The following NRG3 variants were observed in gnomAD, a reference collection of about 807,000 sequenced individuals.
NRG3 encodes neuregulin 3.
Under a neutral mutation model 66.9 loss-of-function variants are expected in NRG3, and 31 were observed. That is an observed-to-expected ratio of 0.46 (90% CI 0.35 to 0.63). The LOEUF (loss-of-function observed/expected upper bound fraction) is 0.63. Among genes scored for constraint, NRG3 ranks in the 20% least tolerant of loss-of-function variants. The pLI is 0.00. For synonymous variants in NRG3, 393 were observed against 359.4 expected, an observed-to-expected ratio of 1.09 and a Z score of -1.06; for missense variants, 910 against 878.9, an observed-to-expected ratio of 1.04 and a Z score of -0.45.
chr10:82,147,394 G>T (rs549739854), intron 1 of NRG3, among the ~76,000 whole-genome samples: 1 of 152,240 alleles, frequency 6.6e-6, no homozygotes, highest in Non-Finnish European at 1.5e-5. Context: ...GAACCTAAAT[G>T]TCCATAGGTG....
intron 4 of NRG3, among the ~76,000 whole-genome samples, chr10:82,906,682 C>G (rs890095844): frequency 1.1e-4 from 16 of 152,126 alleles, no homozygotes; most frequent in African/African-American, 3.9e-4. Context: ...GACTAACATC[C>G]TAATATGCTT....
At chr10:81,930,697 G>A (rs1360595132) in intron 1 of NRG3, among the ~76,000 whole-genome samples, 1 of 152,160 alleles carries the variant, frequency 6.6e-6, no homozygotes, top group African/African-American at 2.4e-5. Context: ...TGACAGGTGG[G>A]TTTTATGGAG....
chr10:82,267,942 G>A (rs991553874), intron 1 of NRG3, among the ~76,000 whole-genome samples: 1 of 152,054 alleles, frequency 6.6e-6, no homozygotes, highest in Non-Finnish European at 1.5e-5. Flanking sequence ...CAGATTGGCT[G>A]TATGCCCTGA....
At chr10:81,890,013 C>T (rs1287793175) in intron 1 of NRG3, among the ~76,000 whole-genome samples, 1 of 152,224 alleles carries the variant, frequency 6.6e-6, no homozygotes, top group Non-Finnish European at 1.5e-5. Context: ...GCTGTTTCCT[C>T]CAATACACTG....
At chr10:81,908,386 G>A (rs1437290320) in intron 1 of NRG3, among the ~76,000 whole-genome samples, 3 of 152,116 alleles carry the variant, frequency 2.0e-5, no homozygotes, top group Admixed American at 1.3e-4. Context: ...GTAACAGGGT[G>A]GGGAATGTCT....
chr10:82,422,253 A>G (rs758074556), intron 2 of NRG3, among the ~76,000 whole-genome samples: 4 of 152,058 alleles, frequency 2.6e-5, no homozygotes. Flanking sequence ...GGGGAAAGGG[A>G]TAAGAAAATG....
At chr10:82,246,296 A>G (rs1455308511) in intron 1 of NRG3, among the ~76,000 whole-genome samples, 1 of 152,152 alleles carries the variant, frequency 6.6e-6, no homozygotes, top group Non-Finnish European at 1.5e-5. Context: ...TTGCTTTCAC[A>G]TACTGCAAAA....
At position 82,668,705 on chromosome 10, in the gene NRG3, G is replaced by A. The variant is rs146470080; in HGVS notation, c.954-69872G>A. On this transcript the variant is annotated intron_variant, in intron 2 of 8. Coordinates refer to ENST00000372141, the MANE Select transcript of NRG3 (RefSeq NM_001010848.4). The stretch of plus-strand genomic sequence containing the variant: ...CTGAGCCTCCATCAGCAGCTGTTGC[G>A]TCCACTGAATAATTCATTCAGGAAA... Among the ~76,000 whole-genome samples the A allele has an allele frequency of 4.8e-3, 736 of 152,216 alleles. 3 individuals carry two copies. The highest frequency in any genetic ancestry group is 0.017 in the African/African-American group (693 of 41,528).
At chr10:82,320,102 A>G (rs2081488828) in intron 1 of NRG3, among the ~76,000 whole-genome samples, 1 of 152,186 alleles carries the variant, frequency 6.6e-6, no homozygotes, top group Non-Finnish European at 1.5e-5. Context: ...AGTGCACAGG[A>G]GCATACCTGT....
At chr10:82,372,665 C>G (rs1453077427) in intron 2 of NRG3, among the ~76,000 whole-genome samples, 1 of 152,146 alleles carries the variant, frequency 6.6e-6, no homozygotes, top group African/African-American at 2.4e-5. Context: ...GCAATTTTGG[C>G]TCACTGCAAC....
chr10:82,521,413 T>C (rs1846166036), intron 2 of NRG3, among the ~76,000 whole-genome samples: 1 of 151,376 alleles, frequency 6.6e-6, no homozygotes, highest in Non-Finnish European at 1.5e-5. Context: ...TGATCTCGGC[T>C]CACTGCAAGC....
chr10:82,783,122 T>A (rs1487235577), intron 3 of NRG3, among the ~76,000 whole-genome samples: 1 of 152,158 alleles, frequency 6.6e-6, no homozygotes, highest in Non-Finnish European at 1.5e-5. Context: ...ACTATCTCAA[T>A]AGATACAGAA....
intron 2 of NRG3, among the ~76,000 whole-genome samples, chr10:82,647,071 G>A (rs987331323): frequency 8.0e-5 from 12 of 150,218 alleles, no homozygotes; most frequent in Admixed American, 1.3e-4. Flanking sequence ...AGTTACATAT[G>A]TATACATGTG....
intron 2 of NRG3, among the ~76,000 whole-genome samples, chr10:82,531,066 G>A (rs1351013086): frequency 1.3e-5 from 2 of 151,700 alleles, no homozygotes; most frequent in African/African-American, 4.8e-5. Flanking sequence ...AAAAAGAGCT[G>A]AGAATAGAGT....
rs75549224 is a variant in NRG3, at chr10:82,036,670, A to G, written c.823+160507A>G. Among the ~76,000 whole-genome samples the G allele has an allele frequency of 2.6e-3, 389 of 152,284 alleles. 13 individuals are homozygous for G. The East Asian group carries it at 0.062, about 24-fold the overall frequency. ...ATAAGTGTATAGTACAGCATTAACT[A>G]TAAGCACAGTGTTATATAGCAGTTC... On this transcript the variant is annotated intron_variant, in intron 1 of 8. Coordinates refer to ENST00000372141, the MANE Select transcript of NRG3 (RefSeq NM_001010848.4).
chr10:82,870,035 A>AT (rs1841177242), intron 4 of NRG3, among the ~76,000 whole-genome samples: 1 of 141,092 alleles, frequency 7.1e-6, no homozygotes, highest in South Asian at 2.2e-4. Context: ...TTAATAGCTA[A>AT]TTTTTTGTAT....
intron 1 of NRG3, among the ~76,000 whole-genome samples, chr10:82,075,006 T>C (rs1253517741): frequency 6.6e-6 from 1 of 152,226 alleles, no homozygotes; most frequent in Non-Finnish European, 1.5e-5. Context: ...GGCATCATAC[T>C]TGGCGTAGAG....
intron 1 of NRG3, among the ~76,000 whole-genome samples, chr10:82,142,922 G>GT (rs11286244): frequency 0.071 from 8,427 of 118,886 alleles, 344 homozygotes; most frequent in South Asian, 0.16. Context: ...ACCTGGCTAA[G>GT]TTTTTTTTTT....
At chr10:82,377,911 C>G (rs994850588) in intron 2 of NRG3, among the ~76,000 whole-genome samples, 1 of 152,208 alleles carries the variant, frequency 6.6e-6, no homozygotes, top group African/African-American at 2.4e-5. Flanking sequence ...GTGGCAAATG[C>G]TACAGTAAAA....
Sources: allele counts gnomAD v4.1 joint callset (sites outside exome capture counted in the v4.1 genomes callset), GRCh38; gene constraint gnomAD v4.1.1; transcripts MANE v1.5; gene names NCBI Gene and HGNC (gene_info 2026-07-23, HGNC 2026-07-21).